CSMD3: variants seen among roughly 807,000 people sequenced by gnomAD.
The protein encoded by CSMD3 is CUB and Sushi multiple domains 3.
CSMD3 carries 177 observed loss-of-function variants against 435.2 expected under a neutral mutation model. That is an observed-to-expected ratio of 0.41 (90% CI 0.36 to 0.46). The LOEUF (loss-of-function observed/expected upper bound fraction) is 0.46. CSMD3 is among the 20% of genes least tolerant of loss of function. The probability of loss-of-function intolerance (pLI) is 0.34; values close to 1 mark genes in which losing one functional copy is unlikely to be tolerated. For synonymous variants in CSMD3, 1,656 were observed against 1,520.5 expected, an observed-to-expected ratio of 1.09 and a Z score of -2.07; for missense variants, 4,265 against 4,504.6, an observed-to-expected ratio of 0.95 and a Z score of 1.52.
chr8:112,492,053 C>T (rs913472274), intron 31 of CSMD3, among the ~76,000 whole-genome samples: 1 of 152,082 alleles, frequency 6.6e-6, no homozygotes, highest in African/African-American at 2.4e-5. Context: ...TCTTCTTTAT[C>T]CTTATTACAG....
At chr8:113,338,904 T>C (rs913275077) in intron 1 of CSMD3, among the ~76,000 whole-genome samples, 27 of 152,018 alleles carry the variant, frequency 1.8e-4, no homozygotes, top group African/African-American at 6.5e-4. Flanking sequence ...CTCTAAAATA[T>C]GACTTATTAA....
chr8:113,145,327 CT>C (rs758465040), intron 4 of CSMD3, among the ~76,000 whole-genome samples: 19 of 151,494 alleles, frequency 1.3e-4, no homozygotes, highest in Non-Finnish European at 2.8e-4. Context: ...TCATGGGATT[CT>C]TTTTATGATA....
chr8:112,490,270 T>A (rs1467082086), intron 31 of CSMD3, among the ~76,000 whole-genome samples: 1 of 152,168 alleles, frequency 6.6e-6, no homozygotes, highest in Non-Finnish European at 1.5e-5. Flanking sequence ...TTGCCTTAGG[T>A]CACAGGTGTC....
intron 31 of CSMD3, among the ~76,000 whole-genome samples, chr8:112,486,114 GTT>G (rs10955624): frequency 2.8e-5 from 4 of 144,652 alleles, no homozygotes; most frequent in Admixed American, 6.9e-5. Context: ...ATTCTATCAG[GTT>G]TTTTTTTTTT....
In CSMD3 at chr8:112,506,766, G is replaced by A. The variant is rs1822572774; in HGVS notation, c.4820C>T (p.Pro1607Leu). The change falls in exon 29 of 71, where the codon CCA (proline) becomes CTA (leucine). Residue 1607 changes from proline (P) to leucine (L), a missense_variant. Physicochemically the swap from Pro to Leu is moderately conservative, Grantham distance 98. Coordinates refer to ENST00000297405, the MANE Select transcript of CSMD3 (RefSeq NM_198123.2). ...GTCACAGTCTCTGCTATGCGGATAT[G>A]GATGAGGGAAGTTTGGTGAAAGAAT... ...GFILSPNFPH[P>L]YPHSRDCDWT... The A allele has an allele frequency of 6.2e-7, 1 of 1,613,472 alleles. No individual in the cohort carries two copies. The highest frequency in any genetic ancestry group is 1.7e-4 in the Middle Eastern group (1 of 6,060).
chr8:112,341,729 C>T (rs778429694), intron 41 of CSMD3, 43 bp from the exon 42 acceptor site: 14 of 1,235,862 alleles, frequency 1.1e-5, no homozygotes, highest in East Asian at 4.8e-5. Context: ...TTTGCTTTAC[C>T]GAATTAAACA....
At chr8:113,191,650 C>T (rs576783574) in intron 3 of CSMD3, among the ~76,000 whole-genome samples, 130 of 151,710 alleles carry the variant, frequency 8.6e-4, no homozygotes, top group African/African-American at 2.9e-3. Flanking sequence ...TTTCTTTATC[C>T]GGTCTGGTGT....
At position 112,734,210 on chromosome 8, in the gene CSMD3, G is replaced by A. The variant is rs544157759; in HGVS notation, c.1973-44160C>T. 5.3e-5 allele frequency among the ~76,000 whole-genome samples: 8 copies of A among 151,434 alleles called. No homozygotes were observed. The East Asian group carries it at 1.2e-3, about 22-fold the overall frequency. On this transcript the variant is annotated intron_variant, in intron 13 of 70. Transcript: ENST00000297405. ...AAGTTAAAAATATATATATACATCG[G>A]TGCCAACAGTTTTGAAAGAGAAAGA...
intron 45 of CSMD3, among the ~76,000 whole-genome samples, chr8:112,330,839 G>A (rs975198250): frequency 3.3e-5 from 5 of 151,964 alleles, no homozygotes; most frequent in Non-Finnish European, 7.4e-5. Context: ...TTAGAACATT[G>A]TCTGGCACTT....
chr8:112,453,414 G>A (rs1294705109), intron 32 of CSMD3, among the ~76,000 whole-genome samples: 1 of 152,018 alleles, frequency 6.6e-6, no homozygotes, highest in Admixed American at 6.6e-5. Context: ...CTTCAGTAAA[G>A]TCTCAGGATA....
At chr8:113,270,196 G>A (rs1346046585) in intron 3 of CSMD3, among the ~76,000 whole-genome samples, 2 of 151,924 alleles carry the variant, frequency 1.3e-5, no homozygotes, top group African/African-American at 2.4e-5. Flanking sequence ...GTAGCCAACA[G>A]ACACATGAAA....
intron 13 of CSMD3, among the ~76,000 whole-genome samples, chr8:112,773,823 T>C (rs1465662241): frequency 1.3e-5 from 2 of 152,140 alleles, no homozygotes; most frequent in South Asian, 2.1e-4. Context: ...ACGAAAAGTA[T>C]ATAAATATTA....
intron 1 of CSMD3, among the ~76,000 whole-genome samples, chr8:113,382,604 A>C (rs2133110842): frequency 6.6e-6 from 1 of 152,312 alleles, no homozygotes; most frequent in East Asian, 1.9e-4. Flanking sequence ...GAATGAGGAA[A>C]TCCTGTGAGT....
intron 32 of CSMD3, among the ~76,000 whole-genome samples, chr8:112,432,323 T>C (rs1813806667): frequency 6.6e-6 from 1 of 152,084 alleles, no homozygotes; most frequent in Non-Finnish European, 1.5e-5. Flanking sequence ...TTTTACTTTA[T>C]TTTAGGGTCT....
intron 59 of CSMD3, among the ~76,000 whole-genome samples, chr8:112,279,231 C>T (rs911147623): frequency 6.6e-6 from 1 of 152,148 alleles, no homozygotes; most frequent in African/African-American, 2.4e-5. Context: ...ATATGTAGTA[C>T]TTGAAAAATC....
intron 30 of CSMD3, among the ~76,000 whole-genome samples, chr8:112,502,420 T>G (rs1822063190): frequency 6.6e-6 from 1 of 152,196 alleles, no homozygotes; most frequent in Non-Finnish European, 1.5e-5. Context: ...TCCACTGGAA[T>G]GAAAACTATA....
rs73342512 is a variant in CSMD3, at chr8:112,672,675, C to T, written c.2678-6260G>A. ...GAAACACAGGTCGTTGCCTTTAATT[C>T]TTCTTTTTGTAGCAATGAAAACAAC... is the stretch of plus-strand genomic sequence containing the variant. On this transcript the variant is annotated intron_variant, in intron 16 of 70. Transcript: ENST00000297405. Among the ~76,000 whole-genome samples the T allele has an allele frequency of 3.0e-3, 460 of 152,126 alleles. 1 individual carries two copies. The highest frequency in any genetic ancestry group is 0.01 in the African/African-American group (427 of 41,528).
At chr8:112,988,902 G>A (rs923466907) in intron 6 of CSMD3, among the ~76,000 whole-genome samples, 1 of 151,828 alleles carries the variant, frequency 6.6e-6, no homozygotes, top group Non-Finnish European at 1.5e-5. Context: ...CATAACAACC[G>A]TAGGCAGCAG....
chr8:112,232,437 C>T lies in CSMD3; in HGVS notation c.10741-805G>A, dbSNP rs573018722. 1.1e-4 allele frequency among the ~76,000 whole-genome samples: 16 copies of T among 152,160 alleles called. No individual in the cohort carries two copies. In the East Asian group the frequency reaches 1.7e-3, roughly 17 times the overall value. On this transcript the variant is annotated intron_variant, in intron 68 of 70. Coordinates refer to ENST00000297405, the MANE Select transcript of CSMD3 (RefSeq NM_198123.2). Reference sequence around the variant, plus strand: ...AGCCTAGCCAACATGGTAAAACCCCCGTCTCTACTAAAATTACAAAAATTA... The same window carrying T: ...AGCCTAGCCAACATGGTAAAACCCCTGTCTCTACTAAAATTACAAAAATTA...
Sources: gnomAD v4.1 joint callset for allele counts (sites outside exome capture counted in the v4.1 genomes callset) on GRCh38, gnomAD v4.1.1 for gene constraint, MANE v1.5 for transcripts, NCBI Gene and HGNC (gene_info 2026-07-23, HGNC 2026-07-21) for gene names.